PRDX6: variants seen among roughly 807,000 people sequenced by gnomAD.
PRDX6 encodes the protein peroxiredoxin-6.
PRDX6 carries 13 observed loss-of-function variants against 20.0 expected under a neutral mutation model. That is an observed-to-expected ratio of 0.65 (90% confidence interval 0.42 to 1.03). The LOEUF (loss-of-function observed/expected upper bound fraction) is 1.03, where lower values mean the gene tolerates loss of function less well. Among genes scored for constraint, PRDX6 ranks in the 50% least tolerant of loss-of-function variants. The pLI is 0.00. For synonymous variants in PRDX6, 85 were observed against 100.8 expected, an observed-to-expected ratio of 0.84 and a Z score of 0.94; for missense variants, 203 against 276.9, an observed-to-expected ratio of 0.73 and a Z score of 1.89.
chr1:173,487,916 G>A lies in PRDX6; in HGVS notation c.*53G>A. 6.2e-7 allele frequency: 1 copy of A among 1,603,838 alleles called. No individual in the cohort carries two copies. Among genetic ancestry groups the A allele is most frequent in the Non-Finnish European group, 8.5e-7 (1 of 1,174,804 alleles). Reference sequence around the variant, plus strand: ...CCAGAGGATGTCAGCTGCCAATTGTGTTTTCCTGCAGCAATTCCATAAACA... The same window carrying A: ...CCAGAGGATGTCAGCTGCCAATTGTATTTTCCTGCAGCAATTCCATAAACA... On this transcript the variant is annotated 3_prime_UTR_variant, in exon 5 of 5. Coordinates refer to ENST00000340385, the MANE Select transcript of PRDX6 (RefSeq NM_004905.3).
chr1:173,479,456 T>C (rs964454312), intron 1 of PRDX6, among the ~76,000 whole-genome samples: 8 of 152,154 alleles, frequency 5.3e-5, no homozygotes, highest in Non-Finnish European at 1.2e-4. Flanking sequence ...GAAGAAAAAA[T>C]TAAAATGTAT....
intron 1 of PRDX6, among the ~76,000 whole-genome samples, chr1:173,477,996 G>T (rs1018100417): frequency 6.6e-6 from 1 of 152,226 alleles, no homozygotes; most frequent in African/African-American, 2.4e-5. Flanking sequence ...GGGAGGATGG[G>T]TGTCTAAAGC....
rs752923989 is a variant in PRDX6, at chr1:173,477,391, C to G, written c.-7C>G. Reference sequence around the variant, plus strand: ...TGTCCCAGCGGCGCCCCCTCATCACCGTCGCCATGCCCGGAGGTCTGCTTC... The same window carrying G: ...TGTCCCAGCGGCGCCCCCTCATCACGGTCGCCATGCCCGGAGGTCTGCTTC... On this transcript the variant is annotated 5_prime_UTR_variant, in exon 1 of 5. Coordinates refer to ENST00000340385, the MANE Select transcript of PRDX6 (RefSeq NM_004905.3). 8.7e-6 allele frequency: 14 copies of G among 1,604,152 alleles called. No individual in the cohort carries two copies. Among genetic ancestry groups the G allele is most frequent in the African/African-American group, 4.1e-5 (3 of 73,664 alleles).
At chr1:173,481,551 G>T (rs151327129) in intron 2 of PRDX6, 69 bp downstream of exon 2, 2 of 1,505,216 alleles carry the variant, frequency 1.3e-6, no homozygotes, top group Admixed American at 1.8e-5. Context: ...GGAGTACTTG[G>T]TTTTGAGGTT....
At chr1:173,483,973 G>A (rs548029432) in intron 2 of PRDX6, among the ~76,000 whole-genome samples, 4 of 151,284 alleles carry the variant, frequency 2.6e-5, no homozygotes, top group Non-Finnish European at 4.4e-5. Flanking sequence ...GTGTGGTGGC[G>A]GGTGCCTGTA....
At chr1:173,484,143 TA>T in intron 2 of PRDX6, among the ~76,000 whole-genome samples, 2 of 115,528 alleles carry the variant, frequency 1.7e-5, no homozygotes, top group African/African-American at 8.8e-5. Flanking sequence ...AAAAATTAGA[TA>T]TATATATTTA....
At chr1:173,482,292 C>T (rs904809803) in intron 2 of PRDX6, among the ~76,000 whole-genome samples, 1 of 152,180 alleles carries the variant, frequency 6.6e-6, no homozygotes, top group African/African-American at 2.4e-5. Context: ...CTTTCTTGTC[C>T]TCATTATCTA....
intron 1 of PRDX6, among the ~76,000 whole-genome samples, chr1:173,479,707 A>G (rs566746122): frequency 6.6e-6 from 1 of 152,310 alleles, no homozygotes; most frequent in East Asian, 1.9e-4. Context: ...ATGTCACTGA[A>G]TTACTCTTAA....
rs758779398 is a variant in PRDX6 at position 173,477,347 on chromosome 1, G to A, written c.-51G>A. ...GCTGGGACAGGCTGCTTCTTCGCCA[G>A]AACCAACCGGTTGCTTGCTGTCCCA... On this transcript the variant is annotated 5_prime_UTR_variant, in exon 1 of 5. Transcript: ENST00000340385. 1 of 1,384,238 alleles carries A rather than the reference G, an allele frequency of 7.2e-7. No individual in the cohort carries two copies. The highest frequency in any genetic ancestry group is 1.9e-5 in the Admixed American group (1 of 53,698). The allele number at this position is 1,384,238 out of a possible 1,614,324, so 85.7% of individuals were successfully genotyped here. A position where few individuals can be genotyped will look rare whatever the true frequency, so the allele number is the denominator to read the frequency against.
chr1:173,481,055 A>G, intron 1 of PRDX6: 1 of 367,438 alleles, frequency 2.7e-6, no homozygotes, highest in South Asian at 4.0e-5. Context: ...CATAATTATT[A>G]AAGGAGGCAA....
rs1179713213 is a variant in PRDX6 at position 173,477,387 on chromosome 1, T to C, written c.-11T>C. The stretch of plus-strand genomic sequence containing the variant: ...TTGCTGTCCCAGCGGCGCCCCCTCA[T>C]CACCGTCGCCATGCCCGGAGGTCTG... On this transcript the variant is annotated 5_prime_UTR_variant, in exon 1 of 5. Transcript: ENST00000340385. 24 of 1,576,696 alleles carry C rather than the reference T, an allele frequency of 1.5e-5. No individual in the cohort carries two copies. Among genetic ancestry groups the C allele is most frequent in the Non-Finnish European group, 2.0e-5 (23 of 1,157,864 alleles).
At position 173,484,152 on chromosome 1, in the gene PRDX6, T is replaced by TTATA. The variant is rs1171129427; in HGVS notation, c.253-1197_253-1194dup. ...AAAAAAAAAAATTAGATATATATAT[T>TTATA]TATATATATATATATTTATATATAT... On this transcript the variant is annotated intron_variant, in intron 2 of 4. Transcript: ENST00000340385. Among the ~76,000 whole-genome samples, 329 of 118,586 alleles carry TTATA rather than the reference T, an allele frequency of 2.8e-3. 6 individuals are homozygous for TTATA. Among genetic ancestry groups the TTATA allele is most frequent in the South Asian group, 0.016 (65 of 4,192 alleles). The allele number at this position is 118,586 out of a possible 152,430, so 77.8% of individuals were successfully genotyped here. A position where few individuals can be genotyped will look rare whatever the true frequency, so the allele number is the denominator to read the frequency against.
At chr1:173,480,629 A>G (rs913334428) in intron 1 of PRDX6, among the ~76,000 whole-genome samples, 4 of 152,198 alleles carry the variant, frequency 2.6e-5, no homozygotes, top group Non-Finnish European at 4.4e-5. Flanking sequence ...GCTTGGTCTG[A>G]AGAAAGAAGA....
At chr1:173,483,719 C>T (rs1658842991) in intron 2 of PRDX6, among the ~76,000 whole-genome samples, 1 of 152,142 alleles carries the variant, frequency 6.6e-6, no homozygotes, top group Non-Finnish European at 1.5e-5. Flanking sequence ...ATTTTAAATC[C>T]TCTTTTCCAT....
rs919903450 is a variant in PRDX6 at position 173,488,740 on chromosome 1, G to T, written c.*877G>T. 2 of 152,192 alleles carry T rather than the reference G, an allele frequency of 1.3e-5. No individual in the cohort carries two copies. Among genetic ancestry groups the T allele is most frequent in the Admixed American group, 1.3e-4 (2 of 15,278 alleles). The allele number at this position is 152,192 out of a possible 1,614,324, so 9.4% of individuals were successfully genotyped here. Reference sequence around the variant, plus strand: ...AATGTTTTAGTATAGAACTCTTCTTGCAGTGGGTTGCTATTTTCTAGATTT... The same window carrying T: ...AATGTTTTAGTATAGAACTCTTCTTTCAGTGGGTTGCTATTTTCTAGATTT... On this transcript the variant is annotated 3_prime_UTR_variant, in exon 5 of 5. Transcript: ENST00000340385.
intron 1 of PRDX6, among the ~76,000 whole-genome samples, chr1:173,480,410 G>A (rs1458892692): frequency 6.6e-6 from 1 of 152,214 alleles, no homozygotes; most frequent in East Asian, 1.9e-4. Context: ...TGATGGGGAT[G>A]TGGAGAACTG....
chr1:173,477,572 C>G (rs942544267), intron 1 of PRDX6, 80 bp downstream of exon 1: 2 of 1,222,862 alleles, frequency 1.6e-6, no homozygotes, highest in Non-Finnish European at 1.2e-6. Context: ...TTCTCCCTGC[C>G]GTCCTCCCGG....
chr1:173,484,984 T>G (rs1658873166), intron 2 of PRDX6, among the ~76,000 whole-genome samples: 1 of 152,204 alleles, frequency 6.6e-6, no homozygotes, highest in African/African-American at 2.4e-5. Context: ...TTAACAAACC[T>G]ATTGTTATCT....
At position 173,481,396 on chromosome 1, in the gene PRDX6, A is replaced by G; in HGVS notation, c.166A>G (p.Lys56Glu). The G allele has an allele frequency of 6.2e-7, 1 of 1,613,766 alleles. No homozygotes were observed. Among genetic ancestry groups the G allele is most frequent in the South Asian group, 1.1e-5 (1 of 91,064 alleles). The change falls in exon 2 of 5, where the codon AAG (lysine) becomes GAG (glutamate). Residue 56 changes from lysine (K) to glutamate (E), a missense_variant. By Grantham distance (56) the Lys-to-Glu change is moderately conservative. Coordinates refer to ENST00000340385, the MANE Select transcript of PRDX6 (RefSeq NM_004905.3). The part of the protein sequence containing the change: ...VCTTELGRAA[K>E]LAPEFAKRNV... ...CACCACAGAGCTTGGCAGAGCTGCA[A>G]AGCTGGCACCAGAATTTGCCAAGAG...
Sources: allele counts gnomAD v4.1 joint callset (sites outside exome capture counted in the v4.1 genomes callset), GRCh38; gene constraint gnomAD v4.1.1; transcripts MANE v1.5; gene names NCBI Gene and HGNC (gene_info 2026-07-23, HGNC 2026-07-21).